NTRK1: variants seen among roughly 807,000 people sequenced by gnomAD.
NTRK1 encodes the protein high affinity nerve growth factor receptor.
NTRK1 carries 62 observed loss-of-function variants against 86.8 expected under a neutral mutation model. The ratio of observed to expected loss-of-function variants is 0.71; its 90% CI spans 0.58 to 0.88. NTRK1 has a LOEUF of 0.88. Ranked by LOEUF, NTRK1 falls within the 40% of genes least tolerant of loss-of-function variation. The pLI is 0.00. For synonymous variants in NTRK1, 469 were observed against 456.6 expected, an observed-to-expected ratio of 1.03 and a Z score of -0.35; for missense variants, 967 against 1,078.4, an observed-to-expected ratio of 0.90 and a Z score of 1.45.
At chr1:156,855,323 C>G (rs140159921) in intron 2 of NTRK1, among the ~76,000 whole-genome samples, 146 of 152,260 alleles carry the variant, frequency 9.6e-4, no homozygotes, top group African/African-American at 2.6e-3. Flanking sequence ...CCTGCCTCAG[C>G]CTCCCGAGTA....
rs1306924167 is a variant in NTRK1, at chr1:156,866,972, A to G, written c.422A>G (p.Gln141Arg). Residue 141 changes from glutamine (Q) to arginine (R), a missense_variant, in exon 4 of 17, where the codon CAG becomes CGG. Physicochemically the swap from Gln to Arg is conservative, Grantham distance 43. Transcript: ENST00000524377. Reference sequence around the variant, plus strand: ...AAAACTGTGCAGGGCCTCTCCTTACAGGAACTGTGAGTGGGGGCGCTTCCA... The same window carrying G: ...AAAACTGTGCAGGGCCTCTCCTTACGGGAACTGTGAGTGGGGGCGCTTCCA... ...SWKTVQGLSL[Q>R]ELVLSGNPLH... The G allele has an allele frequency of 1.2e-6, 2 of 1,614,238 alleles. No individual in the cohort carries two copies. Among genetic ancestry groups the G allele is most frequent in the Non-Finnish European group, 1.7e-6 (2 of 1,180,024 alleles).
upstream of NTRK1, among the ~76,000 whole-genome samples, chr1:156,857,122 T>C (rs1655431885): frequency 2.0e-5 from 3 of 151,588 alleles, no homozygotes; most frequent in Admixed American, 2.0e-4. Context: ...CTCCCTGTTG[T>C]CATTAATGGT....
Position 156,864,764 on chromosome 1 carries a change from A to G in NTRK1, c.324A>G (p.Pro108=), listed in dbSNP as rs1275055847. Reference sequence around the variant, plus strand: ...AGAGTGGTCTCCGTTTCGTGGCGCCAGATGCCTTCCATTTCACTCCTCGGC... The same window carrying G: ...AGAGTGGTCTCCGTTTCGTGGCGCCGGATGCCTTCCATTTCACTCCTCGGC... The part of the protein sequence containing the change: ...IVKSGLRFVA[P]DAFHFTPRLS... The change falls in exon 3 of 17, where the codon CCA becomes CCG. Residue 108 remains proline, a synonymous_variant. Transcript: ENST00000524377. The G allele has an allele frequency of 1.2e-6, 2 of 1,613,924 alleles. No individual in the cohort carries two copies. The highest frequency in any genetic ancestry group is 1.7e-5 in the Admixed American group (1 of 59,982).
intron 2 of NTRK1, chr1:156,849,399 C>T (rs745638615): frequency 1.2e-6 from 2 of 1,611,388 alleles, no homozygotes; most frequent in African/African-American, 2.7e-5. Flanking sequence ...GTGAGCCCCG[C>T]GGCCACCCAG....
At chr1:156,851,546 G>A (rs1655207936) in intron 2 of NTRK1, 1 of 1,605,928 alleles carries the variant, frequency 6.2e-7, no homozygotes, top group Non-Finnish European at 8.5e-7. Flanking sequence ...TGGGACCCAG[G>A]ATGATGGAAA....
At chr1:156,857,179 G>GTT (rs1212034512), upstream of NTRK1, among the ~76,000 whole-genome samples, 7 of 121,574 alleles carry the variant, frequency 5.8e-5, no homozygotes, top group African/African-American at 2.5e-4. Context: ...GTGTGTGTGT[G>GTT]TGTGTGTGTG....
chr1:156,829,566 G>T (rs572403035), intron 1 of NTRK1, among the ~76,000 whole-genome samples: 7 of 152,236 alleles, frequency 4.6e-5, no homozygotes, highest in South Asian at 2.1e-4. Flanking sequence ...CTCTCGTTGG[G>T]CCCAGCTCTG....
At chr1:156,865,036 A>T (rs1655861111) in intron 3 of NTRK1, 1 of 593,918 alleles carries the variant, frequency 1.7e-6, no homozygotes, top group Non-Finnish European at 3.1e-6. Context: ...CTGCAAGGAC[A>T]CTTCTCATAG....
At chr1:156,837,178 A>T (rs75293093) in intron 1 of NTRK1, 1 of 152,180 alleles carries the variant, frequency 6.6e-6, no homozygotes, top group Non-Finnish European at 1.5e-5. Flanking sequence ...GTGCATCTGG[A>T]GCTCGCCAAG....
chr1:156,840,264 G>A (rs947973065), intron 1 of NTRK1: 8 of 157,268 alleles, frequency 5.1e-5, no homozygotes, highest in Non-Finnish European at 9.8e-5. Flanking sequence ...AAGGAGGAAG[G>A]AGCACCAAGC....
chr1:156,845,655 A>G lies in NTRK1; in HGVS notation c.50+3462A>G, dbSNP rs747407993. ...GATCGCGTTGTGTAGAAAGTTTTCA[A>G]ACTTCTTCTGGAACGAGGCCTCTTG... On this transcript the variant is annotated intron_variant, in intron 2 of 16. Coordinates refer to the NTRK1 transcript ENST00000392302. 1.4e-5 allele frequency: 23 copies of G among 1,610,836 alleles called. No homozygotes were observed. The highest frequency in any genetic ancestry group is 1.1e-5 in the South Asian group (1 of 90,872).
Position 156,874,924 on chromosome 1 carries a change from C to T in NTRK1, c.1270C>T (p.Leu424=), listed in dbSNP as rs1268330010. 2.5e-6 allele frequency: 4 copies of T among 1,612,662 alleles called. No homozygotes were observed. The Admixed American group carries it at 6.7e-5, about 27-fold the overall frequency. Residue 424 remains leucine, a synonymous_variant, in exon 11 of 17, where the codon CTG becomes TTG. Transcript: ENST00000524377. ...TPFGVSVAVG[L]AVFACLFLST... Reference sequence around the variant, plus strand: ...CCACCAGGTCTCGGTGGCTGTGGGCCTGGCCGTCTTTGCCTGCCTCTTCCT... The same window carrying T: ...CCACCAGGTCTCGGTGGCTGTGGGCTTGGCCGTCTTTGCCTGCCTCTTCCT...
intron 1 of NTRK1, among the ~76,000 whole-genome samples, chr1:156,828,417 A>G (rs935518691): frequency 2.6e-5 from 4 of 152,216 alleles, no homozygotes; most frequent in African/African-American, 9.6e-5. Flanking sequence ...AGGAAAAAAA[A>G]AGCAAAGAAA....
chr1:156,855,347 G>A (rs1655373480), intron 2 of NTRK1, among the ~76,000 whole-genome samples: 1 of 152,100 alleles, frequency 6.6e-6, no homozygotes, highest in Non-Finnish European at 1.5e-5. Context: ...GGGATTACAG[G>A]TGCCCGCCGC....
intron 1 of NTRK1, among the ~76,000 whole-genome samples, chr1:156,816,417 CCTT>C (rs901639645): frequency 5.3e-5 from 8 of 152,184 alleles, no homozygotes. Flanking sequence ...TCTTCTGCCT[CCTT>C]CTCCCTTCAT....
chr1:156,826,070 C>A (rs1654308785), intron 1 of NTRK1, among the ~76,000 whole-genome samples: 1 of 152,104 alleles, frequency 6.6e-6, no homozygotes, highest in Non-Finnish European at 1.5e-5. Flanking sequence ...CGCAGCCCCC[C>A]ACAGATGGGT....
chr1:156,844,494 G>A, intron 2 of NTRK1: 1 of 1,614,134 alleles, frequency 6.2e-7, no homozygotes. Context: ...AACACTGTCT[G>A]TCCAAGAGCC....
At chr1:156,843,309 C>T in intron 2 of NTRK1, 3 of 1,566,194 alleles carry the variant, frequency 1.9e-6, no homozygotes, top group Non-Finnish European at 1.8e-6. Flanking sequence ...CTCTTCTCCT[C>T]TTCTGAAGGG....
intron 1 of NTRK1, among the ~76,000 whole-genome samples, chr1:156,832,292 A>G (rs767650852): frequency 2.2e-4 from 33 of 152,296 alleles, no homozygotes; most frequent in Non-Finnish European, 4.6e-4. Context: ...GGAGTTTGTT[A>G]TGGTTTCAAG....
Sources: gnomAD v4.1 joint callset for allele counts (sites outside exome capture counted in the v4.1 genomes callset) on GRCh38, gnomAD v4.1.1 for gene constraint, MANE v1.5 for transcripts, NCBI Gene and HGNC (gene_info 2026-07-23, HGNC 2026-07-21) for gene names.